The following NKAIN2 variants were observed in gnomAD, a reference collection of about 807,000 sequenced individuals.
The protein encoded by NKAIN2 is sodium/potassium transporting ATPase interacting 2, also known as sodium/potassium-transporting ATPase subunit beta-1-interacting protein 2.
Under a neutral mutation model 32.6 loss-of-function variants are expected in NKAIN2, and 14 were observed. That is an observed-to-expected ratio of 0.43 (90% CI 0.28 to 0.67). NKAIN2 has a LOEUF of 0.67. Among genes scored for constraint, NKAIN2 ranks in the 30% least tolerant of loss-of-function variants. NKAIN2 has a pLI of 0.17. For synonymous variants in NKAIN2, 80 were observed against 87.2 expected (o/e 0.92, Z 0.46); for missense variants, 198 against 258.3 (o/e 0.77, Z 1.60).
At chr6:124,346,101 C>A (rs1381258403) in intron 2 of NKAIN2, among the ~76,000 whole-genome samples, 2 of 152,118 alleles carry the variant, frequency 1.3e-5, no homozygotes, top group Admixed American at 6.6e-5. Context: ...ACCCAGTAGT[C>A]ATTCAGGAGC....
At chr6:124,787,213 C>A (rs1779545801) in intron 4 of NKAIN2, among the ~76,000 whole-genome samples, 1 of 152,082 alleles carries the variant, frequency 6.6e-6, no homozygotes, top group Non-Finnish European at 1.5e-5. Flanking sequence ...TTAACTCATT[C>A]TTTAAGGTCA....
chr6:123,937,060 A>T (rs558314602), intron 1 of NKAIN2, among the ~76,000 whole-genome samples: 1 of 152,170 alleles, frequency 6.6e-6, no homozygotes, highest in African/African-American at 2.4e-5. Context: ...CAGCTCCAAA[A>T]ATCTAGGAGC....
At chr6:123,978,546 C>T (rs1173627202) in intron 1 of NKAIN2, among the ~76,000 whole-genome samples, 1 of 152,154 alleles carries the variant, frequency 6.6e-6, no homozygotes, top group East Asian at 1.9e-4. Context: ...AAATGTACAA[C>T]TACTCTTTCT....
intron 1 of NKAIN2, among the ~76,000 whole-genome samples, chr6:123,948,597 A>ATTTTT (rs71021472): frequency 1.6e-4 from 8 of 49,316 alleles, no homozygotes; most frequent in Admixed American, 3.0e-4. Flanking sequence ...CTTAAATGGG[A>ATTTTT]TTTTTTTTTT....
intron 4 of NKAIN2, among the ~76,000 whole-genome samples, chr6:124,783,737 T>G (rs539611130): frequency 4.1e-4 from 63 of 152,292 alleles, no homozygotes; most frequent in Non-Finnish European, 5.9e-5. Flanking sequence ...TAATCACATT[T>G]GAATCCTTTG....
chr6:124,211,647 T>C (rs1791182335), intron 1 of NKAIN2, among the ~76,000 whole-genome samples: 2 of 152,142 alleles, frequency 1.3e-5, no homozygotes, highest in East Asian at 3.9e-4. Context: ...GTGTAATAGC[T>C]GTTGTCCATA....
intron 1 of NKAIN2, among the ~76,000 whole-genome samples, chr6:123,871,793 A>T (rs1022942151): frequency 3.3e-5 from 5 of 152,202 alleles, no homozygotes; most frequent in Non-Finnish European, 7.3e-5. Context: ...AAAAAGTTAA[A>T]CATTTTATTT....
chr6:124,020,350 A>G (rs1269507090), intron 1 of NKAIN2, among the ~76,000 whole-genome samples: 2 of 152,134 alleles, frequency 1.3e-5, no homozygotes, highest in Non-Finnish European at 2.9e-5. Flanking sequence ...CGTTTATTGG[A>G]TCCATTCCCT....
intron 1 of NKAIN2, among the ~76,000 whole-genome samples, chr6:123,897,597 G>A (rs904070957): frequency 2.0e-5 from 3 of 152,036 alleles, no homozygotes; most frequent in African/African-American, 7.2e-5. Context: ...TGGACATACT[G>A]CCCTTTGTGG....
chr6:124,544,975 G>A (rs1203519265), intron 3 of NKAIN2, among the ~76,000 whole-genome samples: 1 of 152,084 alleles, frequency 6.6e-6, no homozygotes, highest in Non-Finnish European at 1.5e-5. Flanking sequence ...AGCAAATTAT[G>A]GAAGAATCAA....
chr6:124,745,963 C>T (rs1009398258), intron 4 of NKAIN2, among the ~76,000 whole-genome samples: 2 of 151,822 alleles, frequency 1.3e-5, no homozygotes, highest in African/African-American at 2.4e-5. Flanking sequence ...GGGGATGTTT[C>T]CAGTTTCAGG....
chr6:124,729,648 C>T (rs1353885839), intron 4 of NKAIN2, among the ~76,000 whole-genome samples: 4 of 151,202 alleles, frequency 2.6e-5, no homozygotes, highest in South Asian at 2.1e-4. Flanking sequence ...AAAACTGGCA[C>T]AAGACAGGGA....
intron 3 of NKAIN2, among the ~76,000 whole-genome samples, chr6:124,431,609 A>T (rs934386774): frequency 3.9e-5 from 6 of 152,118 alleles, no homozygotes; most frequent in Non-Finnish European, 8.8e-5. Context: ...TCAAGAGCCA[A>T]TTTTTCCTCC....
At chr6:123,984,392 C>A (rs1208211744) in intron 1 of NKAIN2, among the ~76,000 whole-genome samples, 5 of 152,020 alleles carry the variant, frequency 3.3e-5, no homozygotes, top group Non-Finnish European at 7.4e-5. Context: ...CTATTTATAA[C>A]TTCAACACAT....
intron 2 of NKAIN2, among the ~76,000 whole-genome samples, chr6:124,293,283 C>T (rs1199638639): frequency 6.6e-6 from 1 of 152,012 alleles, no homozygotes; most frequent in African/African-American, 2.4e-5. Context: ...CTTTCCATTA[C>T]TAGACTATAC....
intron 3 of NKAIN2, among the ~76,000 whole-genome samples, chr6:124,476,260 C>T (rs374590858): frequency 6.6e-6 from 1 of 151,904 alleles, no homozygotes; most frequent in Non-Finnish European, 1.5e-5. Flanking sequence ...TTTTTCTAAG[C>T]TGTGTTTTGC....
At chr6:124,106,949 C>T (rs1785150113) in intron 1 of NKAIN2, among the ~76,000 whole-genome samples, 1 of 152,130 alleles carries the variant, frequency 6.6e-6, no homozygotes, top group African/African-American at 2.4e-5. Context: ...TAGAGATAGG[C>T]ACTGTATACC....
intron 4 of NKAIN2, among the ~76,000 whole-genome samples, chr6:124,755,125 C>A (rs138839039): frequency 2.0e-5 from 3 of 152,138 alleles, no homozygotes; most frequent in Non-Finnish European, 4.4e-5. Flanking sequence ...GGGAAGCCAA[C>A]AGTGCGGCCT....
At chr6:123,969,138 C>T (rs149391215) in intron 1 of NKAIN2, among the ~76,000 whole-genome samples, 13 of 152,222 alleles carry the variant, frequency 8.5e-5, no homozygotes, top group South Asian at 2.1e-4. Context: ...AAATAAGATG[C>T]GGCTTTCAAA....
Sources: gnomAD v4.1 joint callset for allele counts (sites outside exome capture counted in the v4.1 genomes callset) on GRCh38, gnomAD v4.1.1 for gene constraint, MANE v1.5 for transcripts, NCBI Gene and HGNC (gene_info 2026-07-23, HGNC 2026-07-21) for gene names.